PCDHGA4: variants seen among roughly 807,000 people sequenced by gnomAD.
PCDHGA4 encodes the protein protocadherin gamma subfamily A, 4, also known as protocadherin gamma-A4.
In PCDHGA4, 38 loss-of-function variants were observed where a neutral mutation model predicts 54.6. That is an observed-to-expected ratio of 0.70 (90% CI 0.54 to 0.91). The LOEUF is 0.91. PCDHGA4 is among the 40% of genes least tolerant of loss of function. The pLI is 0.00. For missense variants in PCDHGA4, 1,298 were observed against 1,220.9 expected (o/e 1.06, Z -0.94); for synonymous variants, 511 against 512.9 (o/e 1.00, Z 0.05).
At chr5:141,366,777 G>T in intron 1 of PCDHGA4, 1 of 1,587,140 alleles carries the variant, frequency 6.3e-7, no homozygotes, top group South Asian at 1.1e-5. Flanking sequence ...CGGTAAGGAT[G>T]ACCAGAACAT....
At chr5:141,394,282 C>G (rs375429182) in intron 1 of PCDHGA4, 11 of 1,613,864 alleles carry the variant, frequency 6.8e-6, no homozygotes, top group Non-Finnish European at 8.5e-6. Flanking sequence ...GTCACTTACT[C>G]TGTGACCGAG....
intron 1 of PCDHGA4, among the ~76,000 whole-genome samples, chr5:141,483,725 C>T (rs903001715): frequency 1.3e-5 from 2 of 152,008 alleles, no homozygotes; most frequent in Non-Finnish European, 1.5e-5. Context: ...TGGTTCCCAC[C>T]ATAGTCAAAA....
At position 141,486,783 on chromosome 5, in the gene PCDHGA4, C is replaced by A. The variant is rs905423670; in HGVS notation, c.2515-8024C>A. ...CAGACACTGCAGTTTGAGGTGCAGG[C>A]CCGGGATCGGGGCAACCCACCCCTT... On this transcript the variant is annotated intron_variant, in intron 1 of 3. Transcript: ENST00000571252. The surrounding 1 kb of genome is among the most constrained non-coding windows in gnomAD (Gnocchi z 5.0). 6.2e-7 allele frequency: 1 copy of A among 1,614,102 alleles called. No homozygotes were observed.
chr5:141,382,838 A>C (rs1040102322), intron 1 of PCDHGA4: 1 of 1,445,878 alleles, frequency 6.9e-7, no homozygotes, highest in Non-Finnish European at 9.3e-7. Flanking sequence ...GTCCACCCGG[A>C]TACACCCGCA....
intron 1 of PCDHGA4, among the ~76,000 whole-genome samples, chr5:141,443,323 A>AG (rs1262238603): frequency 1.3e-5 from 2 of 151,732 alleles, no homozygotes; most frequent in African/African-American, 4.9e-5. Context: ...TCTACAAAAA[A>AG]AAAAAACAAA....
intron 1 of PCDHGA4, among the ~76,000 whole-genome samples, chr5:141,459,563 C>CAAAACAGAATT (rs1554142058): frequency 5.3e-5 from 8 of 152,044 alleles, no homozygotes; most frequent in Non-Finnish European, 2.9e-5. Context: ...ATAAATACCC[C>CAAAACAGAATT]AAAACAGAAT....
At chr5:141,425,640 C>G (rs2096886863) in intron 1 of PCDHGA4, among the ~76,000 whole-genome samples, 1 of 152,206 alleles carries the variant, frequency 6.6e-6, no homozygotes, top group Non-Finnish European at 1.5e-5. Flanking sequence ...TCTGATAAAA[C>G]TAGGAGGAAA....
rs749044339 is a variant in PCDHGA4, at chr5:141,477,410, G to A, written c.2515-17397G>A. On this transcript the variant is annotated intron_variant, in intron 1 of 3. Coordinates refer to ENST00000571252, the MANE Select transcript of PCDHGA4 (RefSeq NM_018917.4). This position sits in a 1 kb window ranked among gnomAD's most constrained non-coding sequence, Gnocchi z 4.9. ...CAACCTCAGCATCACCGCCCGAGAC[G>A]CCGGAACCCCTTCCCTCTCAGCCCT... 66 of 1,613,988 alleles carry A rather than the reference G, an allele frequency of 4.1e-5. 1 individual carries two copies. The South Asian group carries it at 7.0e-4, about 17-fold the overall frequency.
At chr5:141,366,704 C>T in intron 1 of PCDHGA4, 1 of 1,614,250 alleles carries the variant, frequency 6.2e-7, no homozygotes, top group Non-Finnish European at 8.5e-7. Flanking sequence ...CGAGCCTCTT[C>T]TGATGTCTGA....
rs1264759473 is a variant in PCDHGA4 at position 141,486,183 on chromosome 5, G to A, written c.2515-8624G>A. On this transcript the variant is annotated intron_variant, in intron 1 of 3. Transcript: ENST00000571252. The surrounding 1 kb of genome is among the most constrained non-coding windows in gnomAD (Gnocchi z 5.0). The stretch of plus-strand genomic sequence containing the variant: ...GCCATGGAGCAACATTGCAGCCTTC[G>A]AGTGGATCTGCTGGACGTAAATGAC... 3 of 1,614,154 alleles carry A rather than the reference G, an allele frequency of 1.9e-6. No homozygotes were observed. The highest frequency in any genetic ancestry group is 1.1e-5 in the South Asian group (1 of 91,082).
chr5:141,367,536 C>CT (rs1376897976), intron 1 of PCDHGA4: 1 of 106,510 alleles, frequency 9.4e-6, no homozygotes, highest in African/African-American at 4.5e-5. Context: ...GACTCCGTCT[C>CT]AAAATAAATA....
rs1418195492 is a variant in PCDHGA4 at position 141,431,459 on chromosome 5, G to T, written c.2515-63348G>T. 4 of 1,613,692 alleles carry T rather than the reference G, an allele frequency of 2.5e-6. No homozygotes were observed. The highest frequency in any genetic ancestry group is 3.4e-6 in the Non-Finnish European group (4 of 1,179,994). Reference sequence around the variant, plus strand: ...CGCGCGCATCCGCGTGATGGTTCTGGATGCGAACGACAACGCACCAGCGTT... The same window carrying T: ...CGCGCGCATCCGCGTGATGGTTCTGTATGCGAACGACAACGCACCAGCGTT... On this transcript the variant is annotated intron_variant, in intron 1 of 3. Transcript: ENST00000571252. This position sits in a 1 kb window ranked among gnomAD's most constrained non-coding sequence, Gnocchi z 4.8.
At chr5:141,443,760 T>C (rs894568340) in intron 1 of PCDHGA4, among the ~76,000 whole-genome samples, 20 of 152,040 alleles carry the variant, frequency 1.3e-4, no homozygotes, top group African/African-American at 4.6e-4. Context: ...AAGCTTACAA[T>C]ATACAATATT....
intron 1 of PCDHGA4, chr5:141,419,497 G>A (rs1357823931): frequency 6.2e-7 from 1 of 1,612,390 alleles, no homozygotes; most frequent in South Asian, 1.1e-5. Context: ...GCGCCAATGT[G>A]AGCCTGCGCG....
chr5:141,487,884 A>G lies in PCDHGA4; in HGVS notation c.2515-6923A>G. 1.3e-6 allele frequency: 1 copy of G among 766,716 alleles called. No homozygotes were observed. Among genetic ancestry groups the G allele is most frequent in the Non-Finnish European group, 2.1e-6 (1 of 481,170 alleles). 47.5% of individuals were successfully genotyped at this position (766,716 alleles called of 1,614,324 possible). On this transcript the variant is annotated intron_variant, in intron 1 of 3. Transcript: ENST00000571252. The surrounding 1 kb of genome is among the most constrained non-coding windows in gnomAD (Gnocchi z 5.0). ...GTGATCAAGAGCCAGGCTGTTGTGG[A>G]AGCATGATGATGGAATGTGGGAGCA...
At chr5:141,488,866 G>A (rs957501628) in intron 1 of PCDHGA4, among the ~76,000 whole-genome samples, 1 of 152,148 alleles carries the variant, frequency 6.6e-6, no homozygotes, top group African/African-American at 2.4e-5. Flanking sequence ...GAAGTGAGTG[G>A]GGAGGTAGGA....
Position 141,357,576 on chromosome 5 carries a change from G to C in PCDHGA4, c.2469G>C (p.Leu823=), listed in dbSNP as rs781394563. ...RESCEKSEPL[L]ITQDLLETKG... is the part of the protein sequence containing the mutation. ...GTTGTGAGAAAAGCGAGCCTCTTCTGATAACTCAGGATTTACTTGAAACAA... is the reference window on the plus strand; with the variant it reads ...GTTGTGAGAAAAGCGAGCCTCTTCTCATAACTCAGGATTTACTTGAAACAA... The change falls in exon 1 of 4, where the codon CTG becomes CTC. Residue 823 remains leucine, a synonymous_variant. Transcript: ENST00000571252. 1.2e-6 allele frequency: 2 copies of C among 1,614,174 alleles called. No individual in the cohort carries two copies. The highest frequency in any genetic ancestry group is 1.1e-5 in the South Asian group (1 of 91,086).
At chr5:141,384,418 A>G (rs761365195) in intron 1 of PCDHGA4, 4 of 1,613,972 alleles carry the variant, frequency 2.5e-6, no homozygotes, top group Non-Finnish European at 3.4e-6. Context: ...CTATGTCTCC[A>G]TAAACTCTGA....
chr5:141,398,752 C>G lies in PCDHGA4; in HGVS notation c.2514+41131C>G, dbSNP rs1196162576. On this transcript the variant is annotated intron_variant, in intron 1 of 3. Coordinates refer to ENST00000571252, the MANE Select transcript of PCDHGA4 (RefSeq NM_018917.4). ...AGACCGGGAACAACAGAGTTACCAT[C>G]GTTTAGTCCTGACTGCCTTGGACGG... is the stretch of plus-strand genomic sequence containing the variant. The G allele has an allele frequency of 7.4e-6, 12 of 1,613,482 alleles. No homozygotes were observed. In the South Asian group the frequency reaches 1.2e-4, roughly 16 times the overall value.
Sources: gnomAD v4.1 joint callset for allele counts (sites outside exome capture counted in the v4.1 genomes callset) on GRCh38, gnomAD v4.1.1 for gene constraint, Gnocchi (gnomAD v3.1) non-coding constraint, MANE v1.5 for transcripts, NCBI Gene and HGNC (gene_info 2026-07-23, HGNC 2026-07-21) for gene names.